CHAF1A: variants seen among roughly 807,000 people sequenced by gnomAD.
The protein encoded by CHAF1A is chromatin assembly factor 1 subunit A.
CHAF1A carries 5 observed loss-of-function variants against 93.2 expected under a neutral mutation model. The observed-to-expected ratio is 0.05, with a 90% confidence interval of 0.03 to 0.11. CHAF1A has a LOEUF of 0.11. CHAF1A is among the 10% of genes least tolerant of loss of function. The probability of loss-of-function intolerance (pLI) is 1.00; values close to 1 mark genes in which losing one functional copy is unlikely to be tolerated. For synonymous variants in CHAF1A, 504 were observed against 510.3 expected, an observed-to-expected ratio of 0.99 and a Z score of 0.17; for missense variants, 1,102 against 1,259.9, an observed-to-expected ratio of 0.87 and a Z score of 1.90.
chr19:4,409,704 C>T lies in CHAF1A; in HGVS notation c.905C>T (p.Pro302Leu), dbSNP rs771075286. 1 of 1,614,128 alleles carries T rather than the reference C, an allele frequency of 6.2e-7. No individual in the cohort carries two copies. Among genetic ancestry groups the T allele is most frequent in the Non-Finnish European group, 8.5e-7 (1 of 1,180,010 alleles). ...AGCTCGCCCGAGGGGCCGCCTGCTC[C>T]CCCAAAGCAGCACAGCAGTACCAGT... ...STSSPEGPPAPPKQHSSTSPF... is the reference protein window; with the variant it reads ...STSSPEGPPALPKQHSSTSPF... Residue 302 changes from proline (P) to leucine (L), a missense_variant, in exon 3 of 15, where the codon CCC becomes CTC. Transcript: ENST00000301280.
intron 7 of CHAF1A, among the ~76,000 whole-genome samples, chr19:4,426,330 G>A (rs1005386202): frequency 2.0e-5 from 3 of 151,620 alleles, no homozygotes; most frequent in Non-Finnish European, 2.9e-5. Context: ...ACCATGCCCC[G>A]CTAATTTTTT....
chr19:4,448,037 G>T (rs1599675663), downstream of CHAF1A: 3 of 540,298 alleles, frequency 5.6e-6, no homozygotes, highest in East Asian at 9.4e-5. Context: ...CCCGGGGAGT[G>T]GGGTGGGACC....
chr19:4,446,281 A>G (rs1472121390), downstream of CHAF1A: 1 of 1,570,800 alleles, frequency 6.4e-7, no homozygotes. Flanking sequence ...GTTGGTGCCC[A>G]CCCTGCAGGA....
intron 3 of CHAF1A, among the ~76,000 whole-genome samples, chr19:4,412,255 A>G (rs1973818891): frequency 6.6e-6 from 1 of 152,078 alleles, no homozygotes; most frequent in Non-Finnish European, 1.5e-5. Context: ...CAAGAACGGG[A>G]CACATGGCTG....
chr19:4,411,992 C>G (rs1421563482), intron 3 of CHAF1A, among the ~76,000 whole-genome samples: 6 of 152,060 alleles, frequency 3.9e-5, no homozygotes, highest in Admixed American at 3.9e-4. Flanking sequence ...TAGGTAAACT[C>G]TTGTCGTGGG....
At position 4,442,235 on chromosome 19, in the gene CHAF1A, G is replaced by T; in HGVS notation, c.2674-10G>T. The T allele has an allele frequency of 5.6e-6, 9 of 1,613,636 alleles. No individual in the cohort carries two copies. The highest frequency in any genetic ancestry group is 7.6e-6 in the Non-Finnish European group (9 of 1,179,608). ...TGCAGTGCTGATGGCCGTGTACCCT[G>T]TCTGTCCAGATTGGTGCTGAAGACA... On this transcript the variant is annotated splice_polypyrimidine_tract_variant and intron_variant, in intron 13 of 14. Transcript: ENST00000301280.
intron 7 of CHAF1A, among the ~76,000 whole-genome samples, chr19:4,426,600 G>A (rs1050521329): frequency 6.6e-6 from 1 of 152,034 alleles, no homozygotes; most frequent in Admixed American, 6.6e-5. Flanking sequence ...TCAGCCTCCC[G>A]AGTAGCTGAG....
intron 4 of CHAF1A, among the ~76,000 whole-genome samples, chr19:4,419,872 T>A (rs1973960063): frequency 6.6e-6 from 1 of 152,196 alleles, no homozygotes; most frequent in Admixed American, 6.6e-5. Context: ...TCACCTGCAG[T>A]TTCTAGAAGC....
At chr19:4,447,397 T>G, downstream of CHAF1A, 2 of 757,908 alleles carry the variant, frequency 2.6e-6, no homozygotes, top group Non-Finnish European at 4.4e-6. Flanking sequence ...CTTGTCCTGC[T>G]ACCTTCTACT....
intron 13 of CHAF1A, among the ~76,000 whole-genome samples, chr19:4,441,677 C>T (rs967444511): frequency 6.6e-6 from 1 of 151,790 alleles, no homozygotes; most frequent in African/African-American, 2.4e-5. Flanking sequence ...GAGGCTGAGG[C>T]GGGCGGATCA....
At chr19:4,449,262 G>A (rs995439943), downstream of CHAF1A, 9 of 152,354 alleles carry the variant, frequency 5.9e-5, no homozygotes, top group African/African-American at 1.4e-4. Context: ...AGACGAGGGC[G>A]GGTGAACAGA....
intron 4 of CHAF1A, among the ~76,000 whole-genome samples, chr19:4,418,856 G>A (rs1002252324): frequency 6.6e-5 from 10 of 151,804 alleles, no homozygotes; most frequent in Admixed American, 6.6e-4. Context: ...CAGCAATGCA[G>A]GGGGCTTTTG....
intron 3 of CHAF1A, among the ~76,000 whole-genome samples, chr19:4,415,562 G>A (rs911996141): frequency 6.6e-6 from 1 of 152,210 alleles, no homozygotes; most frequent in African/African-American, 2.4e-5. Context: ...GTGGGGGAGA[G>A]GCACACAGCC....
In CHAF1A at chr19:4,432,987, G is replaced by A. The variant is rs1253114600; in HGVS notation, c.2204-83G>A. On this transcript the variant is annotated intron_variant, in intron 12 of 14. Coordinates refer to ENST00000301280, the MANE Select transcript of CHAF1A (RefSeq NM_005483.3). ...ATGCCCCAAGCCTCGGTGGCAATGAGCTTGTGTATGTGTTTTGTTTTTTGG... is the reference window on the plus strand; with the variant it reads ...ATGCCCCAAGCCTCGGTGGCAATGAACTTGTGTATGTGTTTTGTTTTTTGG... 5.2e-6 allele frequency: 6 copies of A among 1,143,778 alleles called. No individual in the cohort carries two copies. The African/African-American group carries it at 9.4e-5, about 18-fold the overall frequency. The allele number at this position is 1,143,778 out of a possible 1,614,324, so 70.9% of individuals were successfully genotyped here.
downstream of CHAF1A, chr19:4,445,784 G>A (rs1974498018): frequency 2.4e-6 from 3 of 1,233,794 alleles, no homozygotes; most frequent in South Asian, 4.6e-5. Flanking sequence ...CTCCCTCCGG[G>A]ACTCCAGGAC....
At chr19:4,410,692 T>A (rs975135203) in intron 3 of CHAF1A, among the ~76,000 whole-genome samples, 45 of 152,090 alleles carry the variant, frequency 3.0e-4, no homozygotes, top group African/African-American at 1.0e-3. Flanking sequence ...TGCAAAAAAA[T>A]TTTTAAAAGT....
downstream of CHAF1A, chr19:4,448,314 T>A (rs770615062): frequency 6.2e-7 from 1 of 1,602,202 alleles, no homozygotes; most frequent in South Asian, 1.1e-5. Flanking sequence ...GGCCACACGC[T>A]CACTTGGCAA....
chr19:4,435,554 G>GATAC (rs1474725168), intron 13 of CHAF1A, among the ~76,000 whole-genome samples: 1 of 152,032 alleles, frequency 6.6e-6, no homozygotes, highest in African/African-American at 2.4e-5. Flanking sequence ...ATTTTCTGTA[G>GATAC]AAACAGGGTT....
At position 4,402,789 on chromosome 19, in the gene CHAF1A, G is replaced by T. The variant is rs548890693; in HGVS notation, c.27G>T (p.Ala9=). Residue 9 remains alanine (A), a synonymous_variant, in exon 1 of 15, where the codon GCG becomes GCT. Transcript: ENST00000301280. ...TGCTGGAGGAGCTGGAGTGCGGGGC[G>T]CCCGGCGCCAGGGGAGCCGCCACAG... MLEELECG[A]PGARGAATAM... The T allele has an allele frequency of 5.8e-6, 7 of 1,205,198 alleles. No homozygotes were observed. The East Asian group carries it at 1.7e-4, about 30-fold the overall frequency. 74.7% of individuals were successfully genotyped at this position (1,205,198 alleles called of 1,614,324 possible).
Sources: gnomAD v4.1 joint callset for allele counts (sites outside exome capture counted in the v4.1 genomes callset) on GRCh38, gnomAD v4.1.1 for gene constraint, MANE v1.5 for transcripts, NCBI Gene and HGNC (gene_info 2026-07-23, HGNC 2026-07-21) for gene names.